The following MYO1D variants were observed in gnomAD, a reference collection of about 807,000 sequenced individuals.
MYO1D encodes myosin ID.
MYO1D carries 83 observed loss-of-function variants against 122.0 expected under a neutral mutation model. That is an observed-to-expected ratio of 0.68 (90% confidence interval 0.57 to 0.82). The LOEUF (loss-of-function observed/expected upper bound fraction) is 0.82. Among genes scored for constraint, MYO1D ranks in the 40% least tolerant of loss-of-function variants. The pLI is 0.00. For synonymous variants in MYO1D, 464 were observed against 446.9 expected (o/e 1.04, Z -0.48); for missense variants, 1,157 against 1,269.5 (o/e 0.91, Z 1.35).
intron 16 of MYO1D, among the ~76,000 whole-genome samples, chr17:32,683,720 C>T (rs1341636060): frequency 6.6e-6 from 1 of 152,080 alleles, no homozygotes; most frequent in East Asian, 1.9e-4. Flanking sequence ...TGTGCCCTGC[C>T]CCCAGAGGTG....
chr17:32,864,742 A>C (rs1276766091), intron 1 of MYO1D, among the ~76,000 whole-genome samples: 2 of 152,160 alleles, frequency 1.3e-5, no homozygotes, highest in Non-Finnish European at 2.9e-5. Flanking sequence ...AAATATAGTA[A>C]ATGCATAGTT....
chr17:32,667,146 T>C (rs887210343), intron 16 of MYO1D, among the ~76,000 whole-genome samples: 1 of 152,232 alleles, frequency 6.6e-6, no homozygotes, highest in Admixed American at 6.5e-5. Context: ...ATTATAAATA[T>C]ACAAAATTTG....
intron 1 of MYO1D, among the ~76,000 whole-genome samples, chr17:32,865,380 T>C (rs1041261127): frequency 1.3e-5 from 2 of 152,002 alleles, no homozygotes; most frequent in African/African-American, 4.8e-5. Flanking sequence ...CATTTTTTTT[T>C]GACAAATTCA....
At chr17:32,793,243 C>T in intron 1 of MYO1D, among the ~76,000 whole-genome samples, 1 of 150,800 alleles carries the variant, frequency 6.6e-6, no homozygotes, top group Admixed American at 6.6e-5. Flanking sequence ...TTATTGTACT[C>T]AAAGGCTTAT....
intron 21 of MYO1D, among the ~76,000 whole-genome samples, chr17:32,592,959 C>T (rs1327149426): frequency 6.6e-6 from 1 of 152,188 alleles, no homozygotes; most frequent in African/African-American, 2.4e-5. Flanking sequence ...ACACTTCGTC[C>T]CCAGTCACTC....
At chr17:32,832,120 CT>C (rs893648264) in intron 1 of MYO1D, among the ~76,000 whole-genome samples, 97 of 145,618 alleles carry the variant, frequency 6.7e-4, no homozygotes, top group East Asian at 5.9e-4. Flanking sequence ...TTCTTTCTTT[CT>C]TTTTTTTTTT....
intron 1 of MYO1D, among the ~76,000 whole-genome samples, chr17:32,839,424 C>G (rs925927004): frequency 2.0e-5 from 3 of 152,280 alleles, no homozygotes; most frequent in African/African-American, 7.2e-5. Flanking sequence ...AAAAGACCTG[C>G]CAGAGAATTT....
intron 1 of MYO1D, among the ~76,000 whole-genome samples, chr17:32,805,760 A>G (rs925326166): frequency 1.3e-5 from 2 of 152,164 alleles, no homozygotes; most frequent in Non-Finnish European, 2.9e-5. Flanking sequence ...GGCTGGTTCA[A>G]AGAAGCACTG....
chr17:32,622,114 T>C (rs2150926168), intron 20 of MYO1D, among the ~76,000 whole-genome samples: 1 of 152,286 alleles, frequency 6.6e-6, no homozygotes, highest in East Asian at 1.9e-4. Context: ...TGAAGCCCAT[T>C]TGAGACTGAC....
chr17:32,584,455 A>G (rs926653277), intron 21 of MYO1D, among the ~76,000 whole-genome samples: 8 of 151,906 alleles, frequency 5.3e-5, no homozygotes, highest in African/African-American at 2.4e-5. Context: ...TATACAGTTC[A>G]GTAGTAATAT....
chr17:32,572,116 TA>T (rs1429988249), intron 21 of MYO1D, among the ~76,000 whole-genome samples: 2 of 149,568 alleles, frequency 1.3e-5, no homozygotes, highest in African/African-American at 5.0e-5. Flanking sequence ...TTGACCACAT[TA>T]AATAATATAT....
intron 1 of MYO1D, among the ~76,000 whole-genome samples, chr17:32,810,064 G>A (rs569735550): frequency 3.9e-5 from 6 of 152,322 alleles, no homozygotes; most frequent in African/African-American, 1.4e-4. Flanking sequence ...GGCATGAGCA[G>A]GAAGCAGCCA....
chr17:32,781,479 G>C (rs757587656), intron 1 of MYO1D, among the ~76,000 whole-genome samples: 4 of 152,020 alleles, frequency 2.6e-5, no homozygotes, highest in Non-Finnish European at 4.4e-5. Flanking sequence ...TGGGACAGCT[G>C]GTTGAAAGGC....
chr17:32,821,598 G>C (rs2090665840), intron 1 of MYO1D, among the ~76,000 whole-genome samples: 1 of 151,546 alleles, frequency 6.6e-6, no homozygotes, highest in South Asian at 2.1e-4. Flanking sequence ...TATGGATCCA[G>C]GGAGATCTAG....
chr17:32,828,515 C>CAAAAAAAAAAA (rs137921871), intron 1 of MYO1D, among the ~76,000 whole-genome samples: 8 of 71,798 alleles, frequency 1.1e-4, no homozygotes, highest in Admixed American at 1.8e-4. Context: ...GACTCCGTCT[C>CAAAAAAAAAAA]AAAAAAAAAA....
chr17:32,772,666 G>T (rs968369950), intron 5 of MYO1D, 123 bp downstream of exon 5: 2 of 796,936 alleles, frequency 2.5e-6, no homozygotes, highest in Non-Finnish European at 4.4e-6. Flanking sequence ...GCGTGCATGC[G>T]TGACATGTTA....
rs114924053 is a variant in MYO1D at position 32,598,483 on chromosome 17, T to C, written c.2864+6604A>G. Among the ~76,000 whole-genome samples the C allele has an allele frequency of 4.6e-3, 697 of 152,354 alleles. 3 individuals are homozygous for C. Among genetic ancestry groups the C allele is most frequent in the African/African-American group, 0.015 (636 of 41,590 alleles). On this transcript the variant is annotated intron_variant, in intron 21 of 21. Coordinates refer to ENST00000318217, the MANE Select transcript of MYO1D (RefSeq NM_015194.3). ...AATTTTTGATTTGTGGAATACAGCCTGGACTTGCTGGTATCAGGTGTTTCT... is the reference window on the plus strand; with the variant it reads ...AATTTTTGATTTGTGGAATACAGCCCGGACTTGCTGGTATCAGGTGTTTCT...
At chr17:32,731,277 A>G (rs1457758664) in intron 14 of MYO1D, among the ~76,000 whole-genome samples, 3 of 152,034 alleles carry the variant, frequency 2.0e-5, no homozygotes, top group African/African-American at 4.8e-5. Flanking sequence ...TTCAGTTCTT[A>G]TTTTCATTTC....
At chr17:32,623,118 AAGTAGT>A (rs1211996338) in intron 20 of MYO1D, among the ~76,000 whole-genome samples, 1 of 152,108 alleles carries the variant, frequency 6.6e-6, no homozygotes, top group African/African-American at 2.4e-5. Flanking sequence ...ACAGGAGCCA[AAGTAGT>A]AGTTCAGCTA....
Sources: gnomAD v4.1 joint callset for allele counts (sites outside exome capture counted in the v4.1 genomes callset) on GRCh38, gnomAD v4.1.1 for gene constraint, MANE v1.5 for transcripts, NCBI Gene and HGNC (gene_info 2026-07-23, HGNC 2026-07-21) for gene names.